ZKSCAN1: variants seen among roughly 807,000 people sequenced by gnomAD.
The protein encoded by ZKSCAN1 is zinc finger with KRAB and SCAN domains 1.
A neutral mutation model predicts 51.6 loss-of-function variants in ZKSCAN1; 14 were observed. That is an observed-to-expected ratio of 0.27 (90% CI 0.18 to 0.42). The LOEUF (loss-of-function observed/expected upper bound fraction) is 0.42, where lower values mean the gene tolerates loss of function less well. ZKSCAN1 is among the 10% of genes least tolerant of loss of function. The probability of loss-of-function intolerance (pLI) is 1.00; values close to 1 mark genes in which losing one functional copy is unlikely to be tolerated. For synonymous variants in ZKSCAN1, 263 were observed against 261.5 expected (o/e 1.01, Z -0.06); for missense variants, 531 against 710.0 (o/e 0.75, Z 2.86).
In ZKSCAN1 at chr7:100,034,504, A is replaced by C; in HGVS notation, c.*307A>C. On this transcript the variant is annotated 3_prime_UTR_variant, in exon 6 of 6. Transcript: ENST00000324306. Reference sequence around the variant, plus strand: ...TCAGTAATGAGGATACCTTTAAGGCACTCTTGGACTCTCGGCAACCACAAC... The same window carrying C: ...TCAGTAATGAGGATACCTTTAAGGCCCTCTTGGACTCTCGGCAACCACAAC... The C allele has an allele frequency of 9.3e-7, 1 of 1,072,820 alleles. No individual in the cohort carries two copies. The highest frequency in any genetic ancestry group is 6.3e-5 in the East Asian group (1 of 15,952). The allele number at this position is 1,072,820 out of a possible 1,614,324, so 66.5% of individuals were successfully genotyped here.
chr7:100,023,414 T>G lies in ZKSCAN1; in HGVS notation c.-88-5T>G, dbSNP rs2115850053. 7.1e-7 allele frequency: 1 copy of G among 1,411,464 alleles called. No individual in the cohort carries two copies. Among genetic ancestry groups the G allele is most frequent in the East Asian group, 2.3e-5 (1 of 43,768 alleles). 87.4% of individuals were successfully genotyped at this position (1,411,464 alleles called of 1,614,324 possible). On this transcript the variant is annotated splice_polypyrimidine_tract_variant and splice_region_variant and intron_variant, in intron 1 of 5. Coordinates refer to ENST00000324306, the MANE Select transcript of ZKSCAN1 (RefSeq NM_003439.4). ...CGTACTAATGACTTTTTTTTTATAC[T>G]TCAGGAATAGTAAAGAAACACATCA...
In ZKSCAN1 at chr7:100,016,873, G is replaced by A. The variant is rs199589321; in HGVS notation, c.-89+1147G>A. On this transcript the variant is annotated intron_variant, in intron 1 of 5. Transcript: ENST00000324306. ...TTAGTATATATGCTGAACAAATGTG[G>A]AGAAATCGCTGTTTTACATAGGAAA... 2.6e-5 allele frequency: 4 copies of A among 152,294 alleles called. No homozygotes were observed. The East Asian group carries it at 7.7e-4, about 29-fold the overall frequency. 9.4% of individuals were successfully genotyped at this position (152,294 alleles called of 1,614,324 possible). A position where few individuals can be genotyped will look rare whatever the true frequency, so the allele number is the denominator to read the frequency against.
intron 5 of ZKSCAN1, among the ~76,000 whole-genome samples, chr7:100,030,715 A>ATT (rs1471623396): frequency 1.7e-4 from 2 of 11,744 alleles, no homozygotes; most frequent in Non-Finnish European, 3.1e-4. Flanking sequence ...CTGTCGGGGG[A>ATT]ATATCTTTCC....
Position 100,039,583 on chromosome 7 carries a change from G to A in ZKSCAN1, c.*5386G>A. ...ATCTTTTTTTAATTTTTATCCTAGA[G>A]TCAGTCACTTTTATTCCAGGTAGTC... On this transcript the variant is annotated 3_prime_UTR_variant, in exon 6 of 6. Transcript: ENST00000324306. 1.0e-6 allele frequency: 1 copy of A among 985,360 alleles called. No individual in the cohort carries two copies. The highest frequency in any genetic ancestry group is 1.2e-6 in the Non-Finnish European group (1 of 829,930). The allele number at this position is 985,360 out of a possible 1,614,324, so 61.0% of individuals were successfully genotyped here. A position where few individuals can be genotyped will look rare whatever the true frequency, so the allele number is the denominator to read the frequency against.
At chr7:100,044,883 CCTG>C (rs1204175116), downstream of ZKSCAN1, 1 of 985,206 alleles carries the variant, frequency 1.0e-6, no homozygotes, top group Non-Finnish European at 1.2e-6. Flanking sequence ...GCTTGCCCAG[CCTG>C]CTCTAAGGGA....
In ZKSCAN1 at chr7:100,039,885, T is replaced by C. The variant is rs976875883; in HGVS notation, c.*5688T>C. The C allele has an allele frequency of 3.0e-6, 3 of 984,006 alleles. No individual in the cohort carries two copies. The African/African-American group carries it at 5.2e-5, about 17-fold the overall frequency. 61.0% of individuals were successfully genotyped at this position (984,006 alleles called of 1,614,324 possible). On this transcript the variant is annotated 3_prime_UTR_variant, in exon 6 of 6. Transcript: ENST00000324306. ...GAAAAAGAAAAGTCAGTGATATAAATAGATCATTTCATAGAAATTAGGGTA... is the reference window on the plus strand; with the variant it reads ...GAAAAAGAAAAGTCAGTGATATAAACAGATCATTTCATAGAAATTAGGGTA...
At chr7:100,017,202 C>T (rs1002050137) in intron 1 of ZKSCAN1, among the ~76,000 whole-genome samples, 1 of 151,730 alleles carries the variant, frequency 6.6e-6, no homozygotes, top group African/African-American at 2.4e-5. Flanking sequence ...GTGTAAAGGG[C>T]AAAGGGCAAT....
chr7:100,032,818 C>T (rs1562826905), intron 5 of ZKSCAN1, among the ~76,000 whole-genome samples: 1 of 152,040 alleles, frequency 6.6e-6, no homozygotes, highest in Non-Finnish European at 1.5e-5. Context: ...ACTATCCTGG[C>T]TAACATGGTG....
chr7:100,025,591 A>G (rs889717771), intron 3 of ZKSCAN1, among the ~76,000 whole-genome samples: 1 of 152,214 alleles, frequency 6.6e-6, no homozygotes, highest in African/African-American at 2.4e-5. Flanking sequence ...TGGCAGGGAT[A>G]AGTTATGGTA....
At chr7:100,027,420 A>C (rs774459100) in intron 3 of ZKSCAN1, among the ~76,000 whole-genome samples, 3 of 152,050 alleles carry the variant, frequency 2.0e-5, no homozygotes, top group Non-Finnish European at 4.4e-5. Context: ...ATCCTGGAGG[A>C]CAGCCAGCAG....
In ZKSCAN1 at chr7:100,036,251, C is replaced by G. The variant is rs1341800306; in HGVS notation, c.*2054C>G. Reference sequence around the variant, plus strand: ...AAACGTGTTGCAAGTCAACCAGTCACTAGGATATTTCTACCCATGCAACGG... The same window carrying G: ...AAACGTGTTGCAAGTCAACCAGTCAGTAGGATATTTCTACCCATGCAACGG... On this transcript the variant is annotated 3_prime_UTR_variant, in exon 6 of 6. Coordinates refer to ENST00000324306, the MANE Select transcript of ZKSCAN1 (RefSeq NM_003439.4). 1.0e-5 allele frequency: 10 copies of G among 985,308 alleles called. No homozygotes were observed. The South Asian group carries it at 2.3e-4, about 23-fold the overall frequency. 61.0% of individuals were successfully genotyped at this position (985,308 alleles called of 1,614,324 possible).
chr7:100,028,748 C>T (rs1209026926), intron 3 of ZKSCAN1, among the ~76,000 whole-genome samples: 1 of 144,506 alleles, frequency 6.9e-6, no homozygotes, highest in African/African-American at 2.6e-5. Flanking sequence ...TGTTGTGTGT[C>T]AGCCCCAACT....
chr7:100,040,717 G>C lies in ZKSCAN1; in HGVS notation c.*6520G>C, dbSNP rs534706514. 1.0e-6 allele frequency: 1 copy of C among 985,468 alleles called. No individual in the cohort carries two copies. The highest frequency in any genetic ancestry group is 1.7e-5 in the African/African-American group (1 of 57,372). 61.0% of individuals were successfully genotyped at this position (985,468 alleles called of 1,614,324 possible). A position where few individuals can be genotyped will look rare whatever the true frequency, so the allele number is the denominator to read the frequency against. ...GAGAAAGAGTAATTAGGAGGCCTGA[G>C]GAGGGGCCGAGGAAAGGCTGTTGGG... On this transcript the variant is annotated 3_prime_UTR_variant, in exon 6 of 6. Transcript: ENST00000324306.
At position 100,033,131 on chromosome 7, in the gene ZKSCAN1, C is replaced by T. The variant is rs540758458; in HGVS notation, c.800-174C>T. On this transcript the variant is annotated intron_variant, in intron 5 of 5. Transcript: ENST00000324306. The surrounding 1 kb of genome is among the most constrained non-coding windows in gnomAD (Gnocchi z 4.1). ...AGGTTGCAGTGAACTGAGATCACGTCACTGCACTCCAGCCTGGGCGACAGA... is the reference window on the plus strand; with the variant it reads ...AGGTTGCAGTGAACTGAGATCACGTTACTGCACTCCAGCCTGGGCGACAGA... Among the ~76,000 whole-genome samples the T allele has an allele frequency of 7.2e-5, 11 of 152,272 alleles. No homozygotes were observed. In the South Asian group the frequency reaches 2.3e-3, roughly 32 times the overall value.
intron 4 of ZKSCAN1, 57 bp downstream of exon 4, chr7:100,030,009 C>T (rs898603478): frequency 1.9e-6 from 3 of 1,584,984 alleles, no homozygotes; most frequent in Non-Finnish European, 1.7e-6. Context: ...TGTTCCTGAG[C>T]TCTCTTCATT....
Position 100,039,414 on chromosome 7 carries a change from G to C in ZKSCAN1, c.*5217G>C, listed in dbSNP as rs1485642822. 2 of 985,418 alleles carry C rather than the reference G, an allele frequency of 2.0e-6. No individual in the cohort carries two copies. The highest frequency in any genetic ancestry group is 2.3e-4 in the East Asian group (2 of 8,816). 61.0% of individuals were successfully genotyped at this position (985,418 alleles called of 1,614,324 possible). On this transcript the variant is annotated 3_prime_UTR_variant, in exon 6 of 6. Transcript: ENST00000324306. ...TGCAGATGCATCCAGTCGTGGCATT[G>C]CAAGAAGTCTGTCTGATGAAGCTCG...
chr7:100,018,427 C>T (rs898696337), intron 1 of ZKSCAN1, among the ~76,000 whole-genome samples: 3 of 148,144 alleles, frequency 2.0e-5, no homozygotes, highest in African/African-American at 7.5e-5. Flanking sequence ...TTTTTTGAGA[C>T]AGAGTCTCGC....
chr7:100,035,848 G>C lies in ZKSCAN1; in HGVS notation c.*1651G>C. 1.0e-6 allele frequency: 1 copy of C among 985,384 alleles called. No homozygotes were observed. Among genetic ancestry groups the C allele is most frequent in the Non-Finnish European group, 1.2e-6 (1 of 829,932 alleles). 61.0% of individuals were successfully genotyped at this position (985,384 alleles called of 1,614,324 possible). A position where few individuals can be genotyped will look rare whatever the true frequency, so the allele number is the denominator to read the frequency against. On this transcript the variant is annotated 3_prime_UTR_variant, in exon 6 of 6. Coordinates refer to ENST00000324306, the MANE Select transcript of ZKSCAN1 (RefSeq NM_003439.4). ...ATGGCAGGAGACTGTTTCACACACA[G>C]GAGATTGTGAGCTGTGTAAGTAGTC... is the stretch of plus-strand genomic sequence containing the variant.
chr7:100,028,455 A>G (rs993692079), intron 3 of ZKSCAN1, among the ~76,000 whole-genome samples: 16 of 152,184 alleles, frequency 1.1e-4, no homozygotes, highest in African/African-American at 3.6e-4. Flanking sequence ...TCAAGGCTGC[A>G]GTGAGACATG....
Sources: gnomAD v4.1 joint callset for allele counts (sites outside exome capture counted in the v4.1 genomes callset) on GRCh38, gnomAD v4.1.1 for gene constraint, Gnocchi (gnomAD v3.1) non-coding constraint, MANE v1.5 for transcripts, NCBI Gene and HGNC (gene_info 2026-07-23, HGNC 2026-07-21) for gene names.